ADAMTSL3: variants seen among roughly 807,000 people sequenced by gnomAD.
ADAMTSL3 encodes ADAMTS like 3.
A neutral mutation model predicts 201.7 loss-of-function variants in ADAMTSL3; 128 were observed. That is an observed-to-expected ratio of 0.63 (90% confidence interval 0.55 to 0.73). The LOEUF (loss-of-function observed/expected upper bound fraction) is 0.73, where lower values mean the gene tolerates loss of function less well. ADAMTSL3 is among the 30% of genes least tolerant of loss of function. The pLI, the probability that ADAMTSL3 is intolerant of heterozygous loss-of-function variation, is 0.00. For synonymous variants in ADAMTSL3, 738 were observed against 748.4 expected, an observed-to-expected ratio of 0.99 and a Z score of 0.23; for missense variants, 1,990 against 2,119.6, an observed-to-expected ratio of 0.94 and a Z score of 1.20.
At chr15:83,782,982 CATATTATATATACACATAT>C (rs1026813898) in intron 4 of ADAMTSL3, among the ~76,000 whole-genome samples, 1 of 146,058 alleles carries the variant, frequency 6.8e-6, no homozygotes, top group Admixed American at 6.9e-5. Flanking sequence ...TATATATATA[CATATTATATATACACATAT>C]ATATTATATA....
chr15:83,930,331 G>A (rs1026588132), intron 17 of ADAMTSL3, among the ~76,000 whole-genome samples: 3 of 152,178 alleles, frequency 2.0e-5, no homozygotes, highest in African/African-American at 7.2e-5. Context: ...TGAGTAGTGT[G>A]ACGTGCTTGG....
At chr15:83,688,581 C>T (rs562478621) in intron 2 of ADAMTSL3, among the ~76,000 whole-genome samples, 16 of 151,388 alleles carry the variant, frequency 1.1e-4, no homozygotes, top group African/African-American at 3.6e-4. Flanking sequence ...ATATTTTTAA[C>T]CTTTACGTTC....
chr15:83,706,616 C>A (rs1596062013), intron 3 of ADAMTSL3, among the ~76,000 whole-genome samples: 1 of 152,168 alleles, frequency 6.6e-6, no homozygotes, highest in East Asian at 1.9e-4. Context: ...ACCCACCAAC[C>A]AAATCCTGAT....
intron 3 of ADAMTSL3, among the ~76,000 whole-genome samples, chr15:83,737,068 A>G (rs2062379691): frequency 6.6e-6 from 1 of 152,236 alleles, no homozygotes; most frequent in African/African-American, 2.4e-5. Flanking sequence ...AAACTATTAC[A>G]TTATGGAAAA....
At chr15:84,009,502 A>G (rs985576749) in intron 23 of ADAMTSL3, among the ~76,000 whole-genome samples, 2 of 152,212 alleles carry the variant, frequency 1.3e-5, no homozygotes, top group African/African-American at 2.4e-5. Context: ...TAATGCATCA[A>G]ATTCAAAATC....
intron 7 of ADAMTSL3, among the ~76,000 whole-genome samples, chr15:83,842,030 T>TCCATCCCCCTTCTGCCTTC (rs2064389522): frequency 1.3e-5 from 2 of 151,396 alleles, no homozygotes; most frequent in Non-Finnish European, 3.0e-5. Context: ...ACCTTCCCAC[T>TCCATCCCCCTTCTGCCTTC]CCATCCCCCT....
chr15:83,959,137 C>A (rs1237678911), intron 19 of ADAMTSL3, among the ~76,000 whole-genome samples: 1 of 152,160 alleles, frequency 6.6e-6, no homozygotes, highest in Non-Finnish European at 1.5e-5. Flanking sequence ...AATATCAAGA[C>A]ATACTCAGCT....
chr15:83,977,740 AAGTAACATTT>A, intron 20 of ADAMTSL3, among the ~76,000 whole-genome samples: 1 of 152,352 alleles, frequency 6.6e-6, no homozygotes, highest in Non-Finnish European at 1.5e-5. Flanking sequence ...TGTCTCTTCC[AAGTAACATTT>A]AATGTGGTGT....
rs1415312431 is a variant in ADAMTSL3, at chr15:83,858,110, A to C, written c.728-656A>C. Among the ~76,000 whole-genome samples the C allele has an allele frequency of 2.0e-5, 3 of 152,206 alleles. No homozygotes were observed. In the East Asian group the frequency reaches 5.8e-4, roughly 29 times the overall value. ...GTAAATATTTTAGCCTTATTGAGCC[A>C]TATGGTCTTCATTACTACAACTCAA... On this transcript the variant is annotated intron_variant, in intron 7 of 29. Transcript: ENST00000286744.
At chr15:84,031,454 A>C (rs1297434448) in intron 28 of ADAMTSL3, 22 bp downstream of exon 28, 5 of 1,604,720 alleles carry the variant, frequency 3.1e-6, no homozygotes, top group Non-Finnish European at 4.3e-6. Flanking sequence ...ACCCCAGAGC[A>C]GCACACATTC....
rs779031350 is a variant in ADAMTSL3, at chr15:83,983,276, C to A, written c.3648C>A (p.Asp1216Glu). The A allele has an allele frequency of 1.9e-6, 3 of 1,606,218 alleles. No individual in the cohort carries two copies. In the African/African-American group the frequency reaches 4.0e-5, roughly 22 times the overall value. The stretch of plus-strand genomic sequence containing the variant: ...CAGAGGTCATCAATATACTGTGTGA[C>A]CTTATTACCCCCAGTGAGGCCACAT... ...KRTEVINILC[D>E]LITPSEATYT... Residue 1216 changes from aspartate to glutamate, a missense_variant, in exon 21 of 30, where the codon GAC becomes GAA. Physicochemically the swap from Asp to Glu is conservative, Grantham distance 45. Transcript: ENST00000286744.
rs369910367 is a variant in ADAMTSL3 at position 84,036,759 on chromosome 15, A to G, written c.4755-14A>G. 1.9e-6 allele frequency: 3 copies of G among 1,587,748 alleles called. No individual in the cohort carries two copies. Among genetic ancestry groups the G allele is most frequent in the Non-Finnish European group, 2.6e-6 (3 of 1,168,796 alleles). ...ATTTTTTGTTTTTCCGTTTTGTTTT[A>G]TTTTTCACTTCAGACCCACCTTAAG... is the stretch of plus-strand genomic sequence containing the variant. On this transcript the variant is annotated splice_polypyrimidine_tract_variant and intron_variant, in intron 28 of 29. Transcript: ENST00000286744.
At chr15:83,675,537 T>C (rs1360212756) in intron 2 of ADAMTSL3, among the ~76,000 whole-genome samples, 2 of 151,988 alleles carry the variant, frequency 1.3e-5, no homozygotes. Context: ...TAATATTTTG[T>C]TGAGAATTTT....
chr15:83,819,701 G>T, intron 5 of ADAMTSL3, 110 bp from the exon 6 acceptor site: 3 of 795,782 alleles, frequency 3.8e-6, no homozygotes, highest in Non-Finnish European at 6.3e-6. Flanking sequence ...GTGACTCCCA[G>T]AGAGAGGCAA....
chr15:83,686,101 A>C (rs1030845997), intron 2 of ADAMTSL3, among the ~76,000 whole-genome samples: 1 of 152,094 alleles, frequency 6.6e-6, no homozygotes, highest in Non-Finnish European at 1.5e-5. Context: ...CCTGTCACAG[A>C]CCTCTGAGTA....
At chr15:84,013,430 A>C (rs925819681) in intron 23 of ADAMTSL3, among the ~76,000 whole-genome samples, 1 of 152,200 alleles carries the variant, frequency 6.6e-6, no homozygotes, top group Non-Finnish European at 1.5e-5. Flanking sequence ...TAACCAGAGC[A>C]CTGTAAGAGG....
intron 3 of ADAMTSL3, among the ~76,000 whole-genome samples, chr15:83,707,322 A>G (rs2061867135): frequency 6.6e-6 from 1 of 152,194 alleles, no homozygotes. Flanking sequence ...AGCTATTGTT[A>G]TTACTAAGAA....
chr15:83,699,351 C>T (rs140963959), intron 2 of ADAMTSL3, among the ~76,000 whole-genome samples: 1 of 152,286 alleles, frequency 6.6e-6, no homozygotes, highest in Non-Finnish European at 1.5e-5. Context: ...TCCTTTACAG[C>T]CATTGCTCAA....
intron 7 of ADAMTSL3, among the ~76,000 whole-genome samples, chr15:83,844,100 G>A (rs60229860): frequency 0.017 from 2,530 of 152,268 alleles, 75 homozygotes; most frequent in African/African-American, 0.057. Flanking sequence ...CAGGGCACAC[G>A]TGTGTGAGGC....
Sources: gnomAD v4.1 joint callset for allele counts (sites outside exome capture counted in the v4.1 genomes callset) on GRCh38, gnomAD v4.1.1 for gene constraint, MANE v1.5 for transcripts, NCBI Gene and HGNC (gene_info 2026-07-23, HGNC 2026-07-21) for gene names.